Variants in SLC24A2 observed in about 807,000 individuals in gnomAD.
SLC24A2 encodes the protein solute carrier family 24 member 2.
Under a neutral mutation model 62.0 loss-of-function variants are expected in SLC24A2, and 36 were observed. The observed-to-expected ratio is 0.58, with a 90% CI of 0.44 to 0.77. SLC24A2 has a LOEUF of 0.77. Among genes scored for constraint, SLC24A2 ranks in the 30% least tolerant of loss-of-function variants. The pLI is 0.00. For synonymous variants in SLC24A2, 358 were observed against 294.0 expected, an observed-to-expected ratio of 1.22 and a Z score of -2.23; for missense variants, 846 against 817.9, an observed-to-expected ratio of 1.03 and a Z score of -0.42.
chr9:20,146,585 A>G, the SLC24A2 span, among the ~76,000 whole-genome samples: 1 of 152,060 alleles, frequency 6.6e-6, no homozygotes, highest in African/African-American at 2.4e-5. Flanking sequence ...CAGTCTGTGT[A>G]CTGGGTTTCT....
the SLC24A2 span, among the ~76,000 whole-genome samples, chr9:20,102,452 T>A: frequency 4.1e-5 from 5 of 121,660 alleles, no homozygotes; most frequent in African/African-American, 1.6e-4. Context: ...TGAGAACACA[T>A]AGACACAGGG....
chr9:19,809,249 G>A, the SLC24A2 span, among the ~76,000 whole-genome samples: 1 of 151,972 alleles, frequency 6.6e-6, no homozygotes, highest in African/African-American at 2.4e-5. Flanking sequence ...ATCAACAGTG[G>A]ACTTAGAAAA....
At chr9:19,793,880 C>T (rs945041763), upstream of SLC24A2, among the ~76,000 whole-genome samples, 6 of 152,222 alleles carry the variant, frequency 3.9e-5, no homozygotes, top group Non-Finnish European at 7.3e-5. Flanking sequence ...CTAAGAGGAT[C>T]TGCTTTGCTT....
chr9:19,574,741 C>G (rs1835956664), intron 6 of SLC24A2, among the ~76,000 whole-genome samples: 1 of 152,072 alleles, frequency 6.6e-6, no homozygotes, highest in African/African-American at 2.4e-5. Context: ...GGAGTACCAT[C>G]AGGTGATCAA....
chr9:20,137,753 A>T, the SLC24A2 span, among the ~76,000 whole-genome samples: 1 of 152,220 alleles, frequency 6.6e-6, no homozygotes, highest in Non-Finnish European at 1.5e-5. Flanking sequence ...AATATTTTTA[A>T]ACAGAGTCAA....
the SLC24A2 span, among the ~76,000 whole-genome samples, chr9:20,090,385 G>A: frequency 6.6e-6 from 1 of 152,192 alleles, no homozygotes; most frequent in East Asian, 1.9e-4. Context: ...TAGCCTGGGA[G>A]TGCCAAGTTG....
chr9:20,017,611 C>T, the SLC24A2 span, among the ~76,000 whole-genome samples: 4 of 152,066 alleles, frequency 2.6e-5, no homozygotes, highest in South Asian at 2.1e-4. Context: ...GAAGCCAGTG[C>T]GAGCCCCAAA....
At chr9:19,681,769 T>C (rs1212821552) in intron 2 of SLC24A2, among the ~76,000 whole-genome samples, 1 of 152,218 alleles carries the variant, frequency 6.6e-6, no homozygotes, top group East Asian at 1.9e-4. Flanking sequence ...TTGGCTGTCA[T>C]CTTTGTTCTT....
chr9:19,855,102 A>C, the SLC24A2 span, among the ~76,000 whole-genome samples: 1 of 152,164 alleles, frequency 6.6e-6, no homozygotes. Flanking sequence ...TCAGAAACTA[A>C]GATCATGACC....
At chr9:20,129,282 C>T in the SLC24A2 span, among the ~76,000 whole-genome samples, 1 of 152,048 alleles carries the variant, frequency 6.6e-6, no homozygotes, top group Admixed American at 6.6e-5. Context: ...ATTTTAAAAA[C>T]ACAGAAAAGT....
At chr9:19,891,326 T>G in the SLC24A2 span, among the ~76,000 whole-genome samples, 1 of 152,332 alleles carries the variant, frequency 6.6e-6, no homozygotes, top group East Asian at 1.9e-4. Context: ...TAATGAGAAT[T>G]AAATCTAGAA....
At chr9:20,268,997 T>A in the SLC24A2 span, among the ~76,000 whole-genome samples, 1 of 152,346 alleles carries the variant, frequency 6.6e-6, no homozygotes, top group Admixed American at 6.5e-5. Flanking sequence ...TAAGGATTTT[T>A]GTTATTGTTG....
chr9:19,709,066 AC>A (rs1295931938), intron 2 of SLC24A2, among the ~76,000 whole-genome samples: 4 of 152,232 alleles, frequency 2.6e-5, no homozygotes, highest in African/African-American at 9.6e-5. Flanking sequence ...CAAGAAAAAA[AC>A]AAACAACCCA....
At chr9:19,988,181 C>T in the SLC24A2 span, among the ~76,000 whole-genome samples, 1 of 152,122 alleles carries the variant, frequency 6.6e-6, no homozygotes, top group African/African-American at 2.4e-5. Context: ...CCTTTGGCTC[C>T]TCCTTAGTCT....
the SLC24A2 span, among the ~76,000 whole-genome samples, chr9:20,284,438 CAGCTCAGGTA>C: frequency 6.6e-6 from 1 of 152,022 alleles, no homozygotes; most frequent in Admixed American, 6.6e-5. Context: ...CAACCATGCG[CAGCTCAGGTA>C]CATTATCTTA....
At chr9:20,290,088 A>G in the SLC24A2 span, among the ~76,000 whole-genome samples, 17 of 151,796 alleles carry the variant, frequency 1.1e-4, no homozygotes, top group African/African-American at 4.1e-4. Context: ...CCTGCACCCA[A>G]CCCCAACACA....
the SLC24A2 span, among the ~76,000 whole-genome samples, chr9:19,844,693 T>C: frequency 6.6e-6 from 1 of 152,140 alleles, no homozygotes; most frequent in Non-Finnish European, 1.5e-5. Context: ...TTAATTTTTT[T>C]ATATGGTGAA....
intron 2 of SLC24A2, among the ~76,000 whole-genome samples, chr9:19,692,874 A>G (rs747036978): frequency 5.5e-4 from 84 of 152,150 alleles, no homozygotes; most frequent in Admixed American, 1.0e-3. Flanking sequence ...TACAATTAGC[A>G]AATTGTCTCA....
At chr9:19,516,554 T>C in intron 10 of SLC24A2, 152 bp from the exon 11 acceptor site, 1 of 953,732 alleles carries the variant, frequency 1.0e-6, no homozygotes. Context: ...CGGGCATGGT[T>C]GGCCCAGGAA....
Sources: allele counts gnomAD v4.1 joint callset (sites outside exome capture counted in the v4.1 genomes callset), GRCh38; gene constraint gnomAD v4.1.1; transcripts MANE v1.5; gene names NCBI Gene and HGNC (gene_info 2026-07-23, HGNC 2026-07-21).